The following SLC24A2 variants were observed in gnomAD, a reference collection of about 807,000 sequenced individuals.
SLC24A2 encodes the protein sodium/potassium/calcium exchanger 2.
SLC24A2 carries 36 observed loss-of-function variants against 62.0 expected under a neutral mutation model. That is an observed-to-expected ratio of 0.58 (90% confidence interval 0.44 to 0.77). SLC24A2 has a LOEUF of 0.77. Among genes scored for constraint, SLC24A2 ranks in the 30% least tolerant of loss-of-function variants. The probability of loss-of-function intolerance (pLI) is 0.00; values close to 1 mark genes in which losing one functional copy is unlikely to be tolerated. For missense variants in SLC24A2, 846 were observed against 817.9 expected (o/e 1.03, Z -0.42); for synonymous variants, 358 against 294.0 (o/e 1.22, Z -2.23).
chr9:20,283,250 G>T, the SLC24A2 span, among the ~76,000 whole-genome samples: 1 of 152,180 alleles, frequency 6.6e-6, no homozygotes, highest in Admixed American at 6.5e-5. Context: ...GGATGTTGCC[G>T]TTTCTCAACA....
chr9:20,175,760 T>G, the SLC24A2 span, among the ~76,000 whole-genome samples: 1 of 152,110 alleles, frequency 6.6e-6, no homozygotes, highest in Non-Finnish European at 1.5e-5. Context: ...TACTCTTTAG[T>G]GATAATCTAA....
the SLC24A2 span, among the ~76,000 whole-genome samples, chr9:20,040,170 C>T: frequency 1.3e-5 from 2 of 152,186 alleles, no homozygotes; most frequent in South Asian, 2.1e-4. Context: ...CCAACACTTA[C>T]CATCTTGAAT....
At chr9:19,958,976 G>A in the SLC24A2 span, among the ~76,000 whole-genome samples, 1 of 152,080 alleles carries the variant, frequency 6.6e-6, no homozygotes, top group African/African-American at 2.4e-5. Flanking sequence ...AACAATTTTT[G>A]TGTAGCAAGT....
the SLC24A2 span, among the ~76,000 whole-genome samples, chr9:19,800,135 T>A: frequency 1.3e-5 from 2 of 152,322 alleles, no homozygotes; most frequent in South Asian, 4.1e-4. Context: ...CCACTCTAAA[T>A]CTAGGATGAT....
At chr9:19,785,189 A>G (rs891385711) in intron 2 of SLC24A2, among the ~76,000 whole-genome samples, 1 of 152,244 alleles carries the variant, frequency 6.6e-6, no homozygotes, top group African/African-American at 2.4e-5. Flanking sequence ...TAAGCTCTTT[A>G]CCAATCTGCT....
chr9:19,571,126 C>T (rs1835825312), intron 7 of SLC24A2, among the ~76,000 whole-genome samples: 1 of 152,172 alleles, frequency 6.6e-6, no homozygotes, highest in African/African-American at 2.4e-5. Flanking sequence ...ATGACTGTGC[C>T]ATCCCCAAGG....
In SLC24A2 at chr9:19,636,286, C is replaced by CTTCTCTTCTTTTCTT. The variant is rs1564009444; in HGVS notation, c.931-13988_931-13987insAAGAAAAGAAGAGAA. Reference sequence around the variant, plus strand: ...TTTTCTTCTCTTCTTCTCTTCTTCTCTTCTTTTCTTTTCTTTTCTTTTCTT... The same window carrying CTTCTCTTCTTTTCTT: ...TTTTCTTCTCTTCTTCTCTTCTTCTCTTCTCTTCTTTTCTTTTCTTTTCTTTTCTTTTCTTTTCTT... On this transcript the variant is annotated intron_variant, in intron 2 of 10. Transcript: ENST00000341998. Among the ~76,000 whole-genome samples, 14 of 88,084 alleles carry CTTCTCTTCTTTTCTT rather than the reference C, an allele frequency of 1.6e-4. 2 individuals carry two copies. Among genetic ancestry groups the CTTCTCTTCTTTTCTT allele is most frequent in the East Asian group, 1.0e-3 (3 of 3,014 alleles). The allele number at this position is 88,084 out of a possible 152,430, so 57.8% of individuals were successfully genotyped here.
chr9:19,523,217 T>C (rs1833280028), intron 9 of SLC24A2, among the ~76,000 whole-genome samples: 1 of 152,130 alleles, frequency 6.6e-6, no homozygotes, highest in Non-Finnish European at 1.5e-5. Flanking sequence ...AACATAGGAA[T>C]TGAAGAGGAG....
the SLC24A2 span, among the ~76,000 whole-genome samples, chr9:19,876,422 G>A: frequency 6.7e-6 from 1 of 149,928 alleles, no homozygotes; most frequent in Non-Finnish European, 1.5e-5. Context: ...GCCAATTGTG[G>A]TAATTCATAG....
At chr9:19,660,300 G>T (rs146219855) in intron 2 of SLC24A2, among the ~76,000 whole-genome samples, 6 of 152,244 alleles carry the variant, frequency 3.9e-5, no homozygotes, top group African/African-American at 7.2e-5. Flanking sequence ...GGGGCGGGAG[G>T]CTCTAAGTGA....
the SLC24A2 span, among the ~76,000 whole-genome samples, chr9:19,809,979 C>T: frequency 2.0e-5 from 3 of 152,138 alleles, no homozygotes; most frequent in Non-Finnish European, 4.4e-5. Flanking sequence ...CGGGTATATA[C>T]CCCAGACAAC....
At chr9:19,763,652 G>C (rs1460374711) in intron 2 of SLC24A2, among the ~76,000 whole-genome samples, 1 of 152,162 alleles carries the variant, frequency 6.6e-6, no homozygotes, top group Non-Finnish European at 1.5e-5. Flanking sequence ...TTGCATCCCA[G>C]GGATGAAGCT....
the SLC24A2 span, among the ~76,000 whole-genome samples, chr9:19,833,590 G>A: frequency 6.6e-6 from 1 of 152,250 alleles, no homozygotes; most frequent in Non-Finnish European, 1.5e-5. Flanking sequence ...AGCTTGAACT[G>A]GGTGGAGCCC....
At chr9:19,992,225 C>T in the SLC24A2 span, among the ~76,000 whole-genome samples, 4 of 152,062 alleles carry the variant, frequency 2.6e-5, no homozygotes, top group Non-Finnish European at 4.4e-5. Context: ...GGGGGATGTC[C>T]AATAGGCTTG....
chr9:19,713,816 T>G (rs1820784289), intron 2 of SLC24A2, among the ~76,000 whole-genome samples: 1 of 152,212 alleles, frequency 6.6e-6, no homozygotes, highest in African/African-American at 2.4e-5. Flanking sequence ...ATAATCTTTC[T>G]GAATTCCTCA....
At chr9:20,303,555 G>T in the SLC24A2 span, among the ~76,000 whole-genome samples, 8 of 152,232 alleles carry the variant, frequency 5.3e-5, no homozygotes, top group East Asian at 1.5e-3. Flanking sequence ...ATAGCCCCCA[G>T]CCCATACAGC....
At chr9:20,059,907 T>C in the SLC24A2 span, among the ~76,000 whole-genome samples, 1 of 151,850 alleles carries the variant, frequency 6.6e-6, no homozygotes, top group African/African-American at 2.4e-5. Flanking sequence ...CACGATTAGG[T>C]AAGTTCAAGA....
the SLC24A2 span, among the ~76,000 whole-genome samples, chr9:19,960,530 A>G: frequency 6.6e-6 from 1 of 152,194 alleles, no homozygotes; most frequent in Admixed American, 6.5e-5. Context: ...GGCTAAAGCA[A>G]ATAATAATTT....
At chr9:20,137,671 G>A in the SLC24A2 span, among the ~76,000 whole-genome samples, 3 of 152,024 alleles carry the variant, frequency 2.0e-5, no homozygotes, top group African/African-American at 7.2e-5. Context: ...TTTACCTTGG[G>A]TATCTTTACT....
Sources: gnomAD v4.1 joint callset for allele counts (sites outside exome capture counted in the v4.1 genomes callset) on GRCh38, gnomAD v4.1.1 for gene constraint, MANE v1.5 for transcripts, NCBI Gene and HGNC (gene_info 2026-07-23, HGNC 2026-07-21) for gene names.